The following NAA16 variants were observed in gnomAD, a reference collection of about 807,000 sequenced individuals.
NAA16 encodes the protein N-alpha-acetyltransferase 16, NatA auxiliary subunit.
NAA16 carries 97 observed loss-of-function variants against 110.3 expected under a neutral mutation model. The observed-to-expected ratio is 0.88, with a 90% CI of 0.75 to 1.04. The LOEUF is 1.04. Among genes scored for constraint, NAA16 ranks in the 50% least tolerant of loss-of-function variants. NAA16 has a pLI of 0.00. For synonymous variants in NAA16, 372 were observed against 330.6 expected (o/e 1.13, Z -1.36); for missense variants, 1,017 against 1,005.1 (o/e 1.01, Z -0.16).
intron 15 of NAA16, among the ~76,000 whole-genome samples, chr13:41,370,857 A>G (rs1426398872): frequency 6.6e-6 from 1 of 152,212 alleles, no homozygotes; most frequent in Admixed American, 6.5e-5. Flanking sequence ...ACGCTGTGGA[A>G]GAGAACCCCA....
chr13:41,374,951 A>G, intron 19 of NAA16, 112 bp downstream of exon 19: 1 of 661,816 alleles, frequency 1.5e-6, no homozygotes, highest in Non-Finnish European at 2.6e-6. Context: ...TGTTAATCCC[A>G]GCTCTATCAA....
intron 13 of NAA16, among the ~76,000 whole-genome samples, chr13:41,366,460 A>G (rs1379795429): frequency 2.0e-5 from 3 of 152,194 alleles, no homozygotes; most frequent in Non-Finnish European, 4.4e-5. Flanking sequence ...TAGAAAAACT[A>G]ACGTATGAAA....
At chr13:41,353,115 A>AAAACG (rs2042882780) in intron 9 of NAA16, among the ~76,000 whole-genome samples, 1 of 150,796 alleles carries the variant, frequency 6.6e-6, no homozygotes, top group Admixed American at 6.6e-5. Context: ...ACTCCATCTC[A>AAAACG]AAACAAAACA....
intron 13 of NAA16, among the ~76,000 whole-genome samples, chr13:41,365,061 ATGTT>A (rs1197873121): frequency 6.6e-6 from 1 of 152,170 alleles, no homozygotes; most frequent in Non-Finnish European, 1.5e-5. Flanking sequence ...CATGAGCTGT[ATGTT>A]AAGATTTGAA....
chr13:41,324,327 G>A (rs985323973), intron 5 of NAA16, among the ~76,000 whole-genome samples: 1 of 140,740 alleles, frequency 7.1e-6, no homozygotes, highest in African/African-American at 2.6e-5. Context: ...ATGACATTTT[G>A]ATGGTTAGAT....
chr13:41,373,075 C>T (rs1451184489), intron 17 of NAA16: 75 of 783,548 alleles, frequency 9.6e-5, no homozygotes, highest in Non-Finnish European at 1.1e-4. Context: ...TTTGCAATAA[C>T]GTAAAGCAAA....
intron 1 of NAA16, among the ~76,000 whole-genome samples, chr13:41,312,881 G>A (rs1170038449): frequency 6.6e-6 from 1 of 152,080 alleles, no homozygotes; most frequent in Non-Finnish European, 1.5e-5. Context: ...AAAGCACGTG[G>A]CAGGTTGCTT....
At chr13:41,335,584 C>T (rs991050470) in intron 8 of NAA16, among the ~76,000 whole-genome samples, 2 of 152,126 alleles carry the variant, frequency 1.3e-5, no homozygotes, top group African/African-American at 4.8e-5. Flanking sequence ...TCTTCGTAAT[C>T]TGTGATTTTT....
At chr13:41,352,772 A>G (rs1350034691) in intron 9 of NAA16, among the ~76,000 whole-genome samples, 1 of 152,124 alleles carries the variant, frequency 6.6e-6, no homozygotes. Context: ...TGAATTTTCC[A>G]TTACCTTTTT....
chr13:41,374,933 T>C, intron 19 of NAA16, 94 bp downstream of exon 19: 1 of 718,506 alleles, frequency 1.4e-6, no homozygotes, highest in East Asian at 2.6e-5. Context: ...TTCAGAATTA[T>C]GCCTGGATGT....
rs1197363654 is a variant in NAA16 at position 41,367,487 on chromosome 13, A to G, written c.1588A>G (p.Met530Val). Reference protein sequence around the residue: ...DDQFDFHTYCMRKMTLRAYVD... With the variant: ...DDQFDFHTYCVRKMTLRAYVD... The stretch of plus-strand genomic sequence containing the variant: ...CCAATTCGACTTCCATACATACTGC[A>G]TGAGAAAGATGACCCTTCGTGCCTA... Residue 530 changes from methionine (M) to valine (V), a missense_variant, in exon 14 of 20, where the codon ATG becomes GTG. Coordinates refer to ENST00000379406, the MANE Select transcript of NAA16 (RefSeq NM_024561.5). 5.6e-6 allele frequency: 9 copies of G among 1,613,110 alleles called. No individual in the cohort carries two copies. Among genetic ancestry groups the G allele is most frequent in the Non-Finnish European group, 7.6e-6 (9 of 1,179,596 alleles).
At chr13:41,338,341 T>C (rs756375729) in intron 9 of NAA16, among the ~76,000 whole-genome samples, 31 of 152,202 alleles carry the variant, frequency 2.0e-4, no homozygotes, top group Non-Finnish European at 3.7e-4. Context: ...CTTTTTACTT[T>C]TTAAAAATTC....
intron 2 of NAA16, among the ~76,000 whole-genome samples, chr13:41,318,601 G>A (rs1317547236): frequency 6.6e-6 from 1 of 152,182 alleles, no homozygotes; most frequent in Non-Finnish European, 1.5e-5. Flanking sequence ...AGGAATTTCA[G>A]AAAAGGACTT....
intron 6 of NAA16, 96 bp from the exon 7 acceptor site, chr13:41,328,628 T>G (rs2042154285): frequency 9.6e-7 from 1 of 1,038,250 alleles, no homozygotes; most frequent in Non-Finnish European, 1.4e-6. Context: ...GTTCTGTCTT[T>G]TTAACCATCT....
chr13:41,360,737 C>T (rs2043095871), intron 12 of NAA16, among the ~76,000 whole-genome samples: 1 of 152,202 alleles, frequency 6.6e-6, no homozygotes, highest in Non-Finnish European at 1.5e-5. Flanking sequence ...CAGGATATAT[C>T]TGCTTACTAA....
At position 41,336,724 on chromosome 13, in the gene NAA16, A is replaced by G. The variant is rs748460587; in HGVS notation, c.982A>G (p.Thr328Ala). ...FSKGCPPLFT[T>A]LKSLYYNTEK... ...TAAAGGCTGCCCACCCTTGTTTACT[A>G]CTTTGAAATCTTTATATTACAATAC... Residue 328 changes from threonine (T) to alanine (A), a missense_variant, in exon 9 of 20, where the codon ACT (threonine) becomes GCT (alanine). Physicochemically the swap from Thr to Ala is moderately conservative, Grantham distance 58. Coordinates refer to ENST00000379406, the MANE Select transcript of NAA16 (RefSeq NM_024561.5). 8.1e-6 allele frequency: 13 copies of G among 1,607,660 alleles called. No homozygotes were observed. The highest frequency in any genetic ancestry group is 2.2e-5 in the East Asian group (1 of 44,606).
chr13:41,349,960 CAA>C lies in NAA16; in HGVS notation c.1015-5169_1015-5168del, dbSNP rs71086565. Among the ~76,000 whole-genome samples the C allele has an allele frequency of 3.7e-3, 473 of 126,750 alleles. 2 individuals are homozygous for C. Among genetic ancestry groups the C allele is most frequent in the East Asian group, 0.016 (70 of 4,266 alleles). The allele number at this position is 126,750 out of a possible 152,430, so 83.2% of individuals were successfully genotyped here. A position where few individuals can be genotyped will look rare whatever the true frequency, so the allele number is the denominator to read the frequency against. ...TGGGTGACAGAGCGAGACTCCGTCT[CAA>C]AAAAAAAAAAAAAAGTCAAACATGA... On this transcript the variant is annotated intron_variant, in intron 9 of 19. Coordinates refer to ENST00000379406, the MANE Select transcript of NAA16 (RefSeq NM_024561.5).
intron 3 of NAA16, among the ~76,000 whole-genome samples, chr13:41,319,165 C>G (rs2041883078): frequency 6.6e-6 from 1 of 152,184 alleles, no homozygotes; most frequent in Non-Finnish European, 1.5e-5. Flanking sequence ...AAGGAAATCT[C>G]TATAAAATGT....
At chr13:41,348,956 A>G (rs1488241981) in intron 9 of NAA16, among the ~76,000 whole-genome samples, 1 of 152,156 alleles carries the variant, frequency 6.6e-6, no homozygotes, top group Non-Finnish European at 1.5e-5. Context: ...TTATTTCTAT[A>G]AAGTCAGTGG....
Sources: gnomAD v4.1 joint callset for allele counts (sites outside exome capture counted in the v4.1 genomes callset) on GRCh38, gnomAD v4.1.1 for gene constraint, MANE v1.5 for transcripts, NCBI Gene and HGNC (gene_info 2026-07-23, HGNC 2026-07-21) for gene names.